TXK: variants seen among roughly 807,000 people sequenced by gnomAD.
TXK encodes the protein TXK tyrosine kinase, also known as tyrosine-protein kinase TXK.
TXK carries 60 observed loss-of-function variants against 81.0 expected under a neutral mutation model. The ratio of observed to expected loss-of-function variants is 0.74; its 90% CI spans 0.60 to 0.92. The LOEUF is 0.92. TXK is among the 40% of genes least tolerant of loss of function. The pLI, the probability that TXK is intolerant of heterozygous loss-of-function variation, is 0.00. For missense variants in TXK, 581 were observed against 638.3 expected (o/e 0.91, Z 0.97); for synonymous variants, 203 against 210.7 (o/e 0.96, Z 0.32).
intron 2 of TXK, among the ~76,000 whole-genome samples, chr4:48,113,790 T>G (rs546410511): frequency 1.3e-5 from 2 of 152,226 alleles, no homozygotes; most frequent in African/African-American, 4.8e-5. Context: ...AATCTTCAAT[T>G]TCCTCATCTG....
chr4:48,122,093 T>C (rs1718977256), intron 1 of TXK, among the ~76,000 whole-genome samples: 2 of 152,206 alleles, frequency 1.3e-5, no homozygotes, highest in South Asian at 4.1e-4. Context: ...CCTCCCACTA[T>C]GCTTTATTCT....
intron 4 of TXK, 112 bp downstream of exon 4, chr4:48,112,195 G>A (rs1370637777): frequency 4.1e-6 from 4 of 981,778 alleles, no homozygotes; most frequent in Non-Finnish European, 4.7e-6. Flanking sequence ...TCCTGGGGGA[G>A]AGGGGACAGA....
Position 48,071,531 on chromosome 4 carries a change from T to C in TXK, c.1501A>G (p.Ser501Gly). 1 of 1,613,428 alleles carries C rather than the reference T, an allele frequency of 6.2e-7. No individual in the cohort carries two copies. Among genetic ancestry groups the C allele is most frequent in the Non-Finnish European group, 8.5e-7 (1 of 1,179,786 alleles). ...CATATGCTTACCTCATGCCAGCAGC[T>C]GTACATGACTTCATATATGGACATT... The part of the protein sequence containing the change: ...APMSIYEVMY[S>G]CWHEKPEGRP... Residue 501 changes from serine to glycine, a missense_variant, in exon 14 of 15, where the codon AGC becomes GGC. Transcript: ENST00000264316.
chr4:48,114,506 G>A, intron 1 of TXK, 104 bp from the exon 2 acceptor site: 2 of 1,205,288 alleles, frequency 1.7e-6, no homozygotes, highest in African/African-American at 3.0e-5. Flanking sequence ...GCGTATGAAA[G>A]TCTCGATCGT....
chr4:48,108,486 G>T (rs1718532751), intron 5 of TXK, among the ~76,000 whole-genome samples: 1 of 152,172 alleles, frequency 6.6e-6, no homozygotes, highest in Non-Finnish European at 1.5e-5. Context: ...CTGATGCCAG[G>T]ATTTGGACCC....
Position 48,095,241 on chromosome 4 carries a change from A to G in TXK, c.502-19T>C. ...CTTTAGACTGCAAAAAAAATCATTTATTGAATAAGTCTATTCCTTCTTAGA... is the reference window on the plus strand; with the variant it reads ...CTTTAGACTGCAAAAAAAATCATTTGTTGAATAAGTCTATTCCTTCTTAGA... On this transcript the variant is annotated intron_variant, in intron 6 of 14. Coordinates refer to ENST00000264316, the MANE Select transcript of TXK (RefSeq NM_003328.3). 6.3e-7 allele frequency: 1 copy of G among 1,591,136 alleles called. No homozygotes were observed. The highest frequency in any genetic ancestry group is 8.6e-7 in the Non-Finnish European group (1 of 1,160,700).
chr4:48,102,465 G>GA (rs556457352), intron 6 of TXK, among the ~76,000 whole-genome samples: 391 of 151,902 alleles, frequency 2.6e-3, no homozygotes, highest in Non-Finnish European at 3.0e-3. Flanking sequence ...CCAATGAATT[G>GA]AAAAAAAACT....
At chr4:48,110,776 C>G (rs1718609869) in intron 4 of TXK, among the ~76,000 whole-genome samples, 173 bp from the exon 5 acceptor site, 1 of 152,158 alleles carries the variant, frequency 6.6e-6, no homozygotes, top group Admixed American at 6.5e-5. Context: ...ACAAAAATCT[C>G]TGTACAAGGA....
intron 10 of TXK, among the ~76,000 whole-genome samples, chr4:48,086,108 G>A (rs533366017): frequency 1.5e-4 from 23 of 152,314 alleles, no homozygotes; most frequent in Admixed American, 5.9e-4. Context: ...TCCTCCTCCC[G>A]TAAGGGATTT....
intron 8 of TXK, among the ~76,000 whole-genome samples, chr4:48,092,508 T>G (rs187228595): frequency 2.0e-5 from 3 of 151,018 alleles, no homozygotes; most frequent in African/African-American, 7.3e-5. Context: ...AGATCATAGA[T>G]GTTTAAAAAG....
At chr4:48,095,014 G>A (rs1717928865) in intron 7 of TXK, 129 bp downstream of exon 7, 3 of 728,822 alleles carry the variant, frequency 4.1e-6, no homozygotes, top group Non-Finnish European at 4.8e-6. Context: ...ATATATCACG[G>A]ACTGGTTGGT....
intron 10 of TXK, among the ~76,000 whole-genome samples, chr4:48,083,562 T>C (rs963209796): frequency 2.0e-5 from 3 of 152,204 alleles, no homozygotes; most frequent in African/African-American, 4.8e-5. Flanking sequence ...CTCAGAAACA[T>C]TTTGGTTTAT....
chr4:48,108,687 A>G (rs1259167625), intron 5 of TXK, among the ~76,000 whole-genome samples: 1 of 152,268 alleles, frequency 6.6e-6, no homozygotes, highest in Middle Eastern at 3.2e-3. Context: ...GAGTTTTCTC[A>G]TAATTGGAGT....
intron 10 of TXK, among the ~76,000 whole-genome samples, chr4:48,080,662 TCACACACACACA>T (rs57819050): frequency 1.2e-4 from 17 of 144,574 alleles, no homozygotes; most frequent in South Asian, 7.0e-4. Context: ...TATTTGGTAA[TCACACACACACA>T]CACACACACA....
In TXK at chr4:48,089,733, A is replaced by C. The variant is rs1362680959; in HGVS notation, c.784+17T>G. The C allele has an allele frequency of 6.2e-7, 1 of 1,606,568 alleles. No homozygotes were observed. On this transcript the variant is annotated intron_variant, in intron 9 of 14. Coordinates refer to ENST00000264316, the MANE Select transcript of TXK (RefSeq NM_003328.3). ...ACTGGATTTGCTATTTTACTTCAGC[A>C]TGTGTGCACACTTTACCGTAGCTAA... is the stretch of plus-strand genomic sequence containing the variant.
chr4:48,080,359 A>G (rs1310756711), intron 10 of TXK, among the ~76,000 whole-genome samples: 2 of 152,148 alleles, frequency 1.3e-5, no homozygotes, highest in Non-Finnish European at 2.9e-5. Flanking sequence ...CAGAATATAC[A>G]CTATATTCTA....
At chr4:48,079,794 G>T in intron 11 of TXK, 118 bp downstream of exon 11, 2 of 782,804 alleles carry the variant, frequency 2.6e-6, no homozygotes, top group Non-Finnish European at 4.2e-6. Context: ...TGCATGAATA[G>T]GTAAATGTTT....
chr4:48,085,804 C>T (rs1188402283), intron 10 of TXK, among the ~76,000 whole-genome samples: 1 of 152,122 alleles, frequency 6.6e-6, no homozygotes, highest in African/African-American at 2.4e-5. Flanking sequence ...ATCATCTTCC[C>T]ACTCCATCCC....
intron 9 of TXK, among the ~76,000 whole-genome samples, chr4:48,089,172 A>G (rs1717651422): frequency 6.6e-6 from 1 of 152,214 alleles, no homozygotes; most frequent in Admixed American, 6.5e-5. Flanking sequence ...AAAGAATTGT[A>G]ATTTATCAAA....
Sources: gnomAD v4.1 joint callset for allele counts (sites outside exome capture counted in the v4.1 genomes callset) on GRCh38, gnomAD v4.1.1 for gene constraint, MANE v1.5 for transcripts, NCBI Gene and HGNC (gene_info 2026-07-23, HGNC 2026-07-21) for gene names.